CYP2E1: variants seen among roughly 807,000 people sequenced by gnomAD.
CYP2E1 encodes the protein cytochrome P450 2E1.
A neutral mutation model predicts 42.9 loss-of-function variants in CYP2E1; 31 were observed. That is an observed-to-expected ratio of 0.72 (90% CI 0.54 to 0.98). CYP2E1 has a LOEUF of 0.98. CYP2E1 is among the 50% of genes least tolerant of loss of function. The pLI is 0.00. For synonymous variants in CYP2E1, 244 were observed against 248.9 expected (o/e 0.98, Z 0.19); for missense variants, 565 against 633.2 (o/e 0.89, Z 1.16).
intron 3 of CYP2E1, 123 bp downstream of exon 3, chr10:133,531,857 G>A: frequency 2.9e-6 from 3 of 1,037,686 alleles, no homozygotes; most frequent in Non-Finnish European, 4.1e-6. Flanking sequence ...AGGGTCTCGT[G>A]AGTCCCCAGA....
intron 7 of CYP2E1, 88 bp downstream of exon 7, chr10:133,537,338 G>A: frequency 7.2e-7 from 1 of 1,388,774 alleles, no homozygotes; most frequent in Non-Finnish European, 9.9e-7. Flanking sequence ...GGGGCCCCAA[G>A]ACCCTTCCCT....
intron 8 of CYP2E1, among the ~76,000 whole-genome samples, 181 bp from the exon 9 acceptor site, chr10:133,538,599 T>A (rs1246209973): frequency 1.3e-5 from 2 of 152,194 alleles, no homozygotes; most frequent in Non-Finnish European, 2.9e-5. Context: ...TCAGTGTTGC[T>A]GGTATCCTTC....
chr10:133,528,641 G>A lies in CYP2E1; in HGVS notation c.337+1G>A. On this transcript the variant is annotated splice_donor_variant, in intron 2 of 8. Transcript: ENST00000252945. LOFTEE classifies it high-confidence loss of function. ...GCGTTCCATGCGCACAGGGACAGGG[G>A]TGAGTCCGCGTCCCTGGCACGGAGC... 1 of 1,613,008 alleles carries A rather than the reference G, an allele frequency of 6.2e-7. No homozygotes were observed. The highest frequency in any genetic ancestry group is 1.3e-5 in the African/African-American group (1 of 75,056).
At position 133,538,986 on chromosome 10, in the gene CYP2E1, C is replaced by T. The variant is rs7081484; in HGVS notation, c.*22C>T. The T allele has an allele frequency of 0.028, 42,850 of 1,539,248 alleles. 1,274 individuals are homozygous for T. The highest frequency in any genetic ancestry group is 0.2 in the African/African-American group (14,330 of 72,310). ...ATGAGTGTGTGGAGGACACCCTGAA[C>T]CCCCCGCTTTCAAACAAGTTTTCAA... is the stretch of plus-strand genomic sequence containing the variant. On this transcript the variant is annotated 3_prime_UTR_variant, in exon 9 of 9. Transcript: ENST00000252945.
At chr10:133,529,658 C>T (rs1851313855) in intron 2 of CYP2E1, among the ~76,000 whole-genome samples, 1 of 152,230 alleles carries the variant, frequency 6.6e-6, no homozygotes, top group South Asian at 2.1e-4. Flanking sequence ...TGATAAAGAA[C>T]GCCGTCAGCA....
chr10:133,527,599 G>A (rs770602497), intron 1 of CYP2E1, 27 bp downstream of exon 1: 24 of 1,571,346 alleles, frequency 1.5e-5, no homozygotes, highest in African/African-American at 6.7e-5. Flanking sequence ...TGATTTTAGG[G>A]AGAATAACTC....
intron 1 of CYP2E1, chr10:133,528,103 T>G (rs913175697): frequency 4.9e-5 from 11 of 225,624 alleles, no homozygotes; most frequent in Non-Finnish European, 7.0e-5. Flanking sequence ...CGGGCGGGGG[T>G]CGCCTGCTCC....
intron 2 of CYP2E1, among the ~76,000 whole-genome samples, chr10:133,528,994 G>A (rs1851306615): frequency 1.3e-5 from 2 of 152,196 alleles, no homozygotes; most frequent in Admixed American, 6.5e-5. Context: ...CGGGGTACAG[G>A]TGGCTTCGTC....
At chr10:133,530,674 G>T (rs1252114528) in intron 2 of CYP2E1, among the ~76,000 whole-genome samples, 2 of 152,118 alleles carry the variant, frequency 1.3e-5, no homozygotes, top group African/African-American at 2.4e-5. Flanking sequence ...GAGCTGGCAG[G>T]ATGTCTTATA....
At chr10:133,537,684 G>A in intron 7 of CYP2E1, 67 bp from the exon 8 acceptor site, 1 of 1,339,324 alleles carries the variant, frequency 7.5e-7, no homozygotes, top group South Asian at 1.3e-5. Context: ...TTCTTCACTG[G>A]GGGTTTCCAG....
intron 6 of CYP2E1, among the ~76,000 whole-genome samples, chr10:133,536,050 G>A (rs1283871517): frequency 6.6e-6 from 1 of 152,182 alleles, no homozygotes; most frequent in Admixed American, 6.5e-5. Context: ...GATTCAAGAA[G>A]TAGACCCTGC....
At chr10:133,534,845 C>A (rs980783092) in intron 6 of CYP2E1, among the ~76,000 whole-genome samples, 1 of 146,288 alleles carries the variant, frequency 6.8e-6, no homozygotes, top group African/African-American at 2.5e-5. Context: ...TTCTTTCCTT[C>A]TTCTTCTTCT....
At chr10:133,535,587 G>T (rs934932355) in intron 6 of CYP2E1, among the ~76,000 whole-genome samples, 1 of 152,076 alleles carries the variant, frequency 6.6e-6, no homozygotes, top group Non-Finnish European at 1.5e-5. Flanking sequence ...CTGCACTAGG[G>T]GAACCATGGA....
chr10:133,531,758 G>A (rs148270640), intron 3 of CYP2E1, 24 bp downstream of exon 3: 2 of 1,558,314 alleles, frequency 1.3e-6, no homozygotes, highest in Non-Finnish European at 1.7e-6. Flanking sequence ...GCCTAGCAGG[G>A]CCCAGTCCTC....
chr10:133,532,634 C>T, intron 4 of CYP2E1, 58 bp from the exon 5 acceptor site: 1 of 1,423,382 alleles, frequency 7.0e-7, no homozygotes, highest in Non-Finnish European at 9.5e-7. Flanking sequence ...GTTGGTCCAA[C>T]ACACACAATT....
At chr10:133,534,318 C>A (rs963779306) in intron 6 of CYP2E1, among the ~76,000 whole-genome samples, 7 of 151,982 alleles carry the variant, frequency 4.6e-5, no homozygotes, top group Admixed American at 2.6e-4. Flanking sequence ...TCCTCAAATG[C>A]GGACGTGAGG....
rs746620834 is a variant in CYP2E1, at chr10:133,537,068, C to G, written c.973C>G (p.Leu325Val). 6.2e-7 allele frequency: 1 copy of G among 1,613,194 alleles called. No individual in the cohort carries two copies. The highest frequency in any genetic ancestry group is 1.1e-5 in the South Asian group (1 of 90,962). ...LMKYPEIEEK[L>V]HEEIDRVIGP... is the part of the protein sequence containing the mutation. The stretch of plus-strand genomic sequence containing the variant: ...TCCCATTCATATCTTGGCAGAGAAG[C>G]TCCATGAAGAAATTGACAGGGTGAT... Residue 325 changes from leucine to valine, a missense_variant, in exon 7 of 9, where the codon CTC (leucine) becomes GTC (valine). Physicochemically the swap from Leu to Val is conservative, Grantham distance 32. Coordinates refer to ENST00000252945, the MANE Select transcript of CYP2E1 (RefSeq NM_000773.4).
At position 133,528,387 on chromosome 10, in the gene CYP2E1, G is replaced by A. The variant is rs1851296405; in HGVS notation, c.178-94G>A. On this transcript the variant is annotated intron_variant, in intron 1 of 8. Coordinates refer to ENST00000252945, the MANE Select transcript of CYP2E1 (RefSeq NM_000773.4). ...CCCACGTCCCTCTGGGTTCTCTAGAGCAACAGCAATACCCGCCCGGCAGGG... is the reference window on the plus strand; with the variant it reads ...CCCACGTCCCTCTGGGTTCTCTAGAACAACAGCAATACCCGCCCGGCAGGG... 2.7e-6 allele frequency: 4 copies of A among 1,459,394 alleles called. No homozygotes were observed. In the African/African-American group the frequency reaches 4.2e-5, roughly 15 times the overall value. 90.4% of individuals were successfully genotyped at this position (1,459,394 alleles called of 1,614,324 possible).
At chr10:133,531,516 G>A (rs931892576) in intron 2 of CYP2E1, 69 bp from the exon 3 acceptor site, 2 of 1,561,492 alleles carry the variant, frequency 1.3e-6, no homozygotes, top group Non-Finnish European at 8.8e-7. Context: ...GCTCTCCAAG[G>A]CCCTCTGTAG....
Sources: gnomAD v4.1 joint callset for allele counts (sites outside exome capture counted in the v4.1 genomes callset) on GRCh38, gnomAD v4.1.1 for gene constraint, MANE v1.5 for transcripts, NCBI Gene and HGNC (gene_info 2026-07-23, HGNC 2026-07-21) for gene names.